The following SYNPR variants were observed in gnomAD, a reference collection of about 807,000 sequenced individuals.
SYNPR encodes synaptoporin.
A neutral mutation model predicts 32.9 loss-of-function variants in SYNPR; 23 were observed. The observed-to-expected ratio is 0.70, with a 90% CI of 0.50 to 0.99. SYNPR has a LOEUF of 0.99. Ranked by LOEUF, SYNPR falls within the 50% of genes least tolerant of loss-of-function variation. The pLI, the probability that SYNPR is intolerant of heterozygous loss-of-function variation, is 0.00. For synonymous variants in SYNPR, 146 were observed against 135.9 expected, an observed-to-expected ratio of 1.07 and a Z score of -0.52; for missense variants, 318 against 349.3, an observed-to-expected ratio of 0.91 and a Z score of 0.71.
intron 2 of SYNPR, among the ~76,000 whole-genome samples, chr3:63,395,156 C>T (rs1443776154): frequency 3.9e-5 from 6 of 152,110 alleles, no homozygotes; most frequent in Non-Finnish European, 8.8e-5. Context: ...TTTCTGGCTC[C>T]AGTTTCCATG....
intron 4 of SYNPR, among the ~76,000 whole-genome samples, chr3:63,571,212 C>T (rs1038289448): frequency 6.6e-6 from 1 of 152,134 alleles, no homozygotes; most frequent in Admixed American, 6.6e-5. Context: ...ATCTACCTAA[C>T]CATGGGATCT....
intron 4 of SYNPR, among the ~76,000 whole-genome samples, chr3:63,587,308 C>T (rs560414432): frequency 2.4e-4 from 36 of 152,202 alleles, no homozygotes; most frequent in Middle Eastern, 3.4e-3. Flanking sequence ...ATCCTCACAA[C>T]GACCCTGTAA....
chr3:63,418,634 A>G (rs1031806247), intron 2 of SYNPR, among the ~76,000 whole-genome samples: 2 of 152,230 alleles, frequency 1.3e-5, no homozygotes, highest in Admixed American at 1.3e-4. Flanking sequence ...ACTATGGTGG[A>G]AAACAAAGAG....
intron 4 of SYNPR, among the ~76,000 whole-genome samples, chr3:63,606,284 G>A (rs1700117867): frequency 6.6e-6 from 1 of 151,994 alleles, no homozygotes; most frequent in Non-Finnish European, 1.5e-5. Context: ...AGGGATAAAA[G>A]GTTGAACCAG....
At chr3:63,233,229 C>T (rs1280643863) in intron 1 of SYNPR, among the ~76,000 whole-genome samples, 1 of 152,180 alleles carries the variant, frequency 6.6e-6, no homozygotes, top group African/African-American at 2.4e-5. Context: ...CCAGCAGATT[C>T]TTAAGCCGAA....
chr3:63,309,134 C>G (rs2086936668), intron 2 of SYNPR, among the ~76,000 whole-genome samples: 1 of 152,130 alleles, frequency 6.6e-6, no homozygotes, highest in East Asian at 1.9e-4. Context: ...GTTATTAATT[C>G]TACCAAATCT....
intron 2 of SYNPR, among the ~76,000 whole-genome samples, chr3:63,408,248 A>G (rs1475498422): frequency 8.3e-6 from 1 of 120,262 alleles, no homozygotes; most frequent in African/African-American, 3.7e-5. Flanking sequence ...AAAGAAAGAA[A>G]GAAAGAAAGA....
chr3:63,580,653 A>G (rs1202846256), intron 4 of SYNPR, among the ~76,000 whole-genome samples: 2 of 152,078 alleles, frequency 1.3e-5, no homozygotes, highest in South Asian at 2.1e-4. Flanking sequence ...TATTTTTCCA[A>G]TTGTGGTCAA....
intron 1 of SYNPR, among the ~76,000 whole-genome samples, chr3:63,235,086 T>C (rs1242904553): frequency 6.6e-6 from 1 of 152,204 alleles, no homozygotes; most frequent in East Asian, 1.9e-4. Flanking sequence ...TACTCATCTG[T>C]GTGTGTATGT....
chr3:63,476,139 AAGGAAGGAAGGGAGGG>A (rs1700902326), intron 2 of SYNPR, among the ~76,000 whole-genome samples: 9 of 32,510 alleles, frequency 2.8e-4, no homozygotes, highest in South Asian at 3.6e-3. Context: ...GGAAGGAAGG[AAGGAAGGAAGGGAGGG>A]AGGGAGGGAG....
rs892045746 is a variant in SYNPR at position 63,538,050 on chromosome 3, A to G, written c.210-18493A>G. On this transcript the variant is annotated intron_variant, in intron 3 of 5. Transcript: ENST00000478300. ...CCCAGATTACTGTCTTTCCAAAACA[A>G]TATTTCCTTGCCCTACCACTTAAGC... Among the ~76,000 whole-genome samples, 421 of 144,362 alleles carry G rather than the reference A, an allele frequency of 2.9e-3. 11 individuals carry two copies. The highest frequency in any genetic ancestry group is 3.5e-3 in the East Asian group (16 of 4,584). 94.7% of individuals were successfully genotyped at this position (144,362 alleles called of 152,430 possible).
At chr3:63,574,437 C>G (rs1471038959) in intron 4 of SYNPR, among the ~76,000 whole-genome samples, 1 of 151,956 alleles carries the variant, frequency 6.6e-6, no homozygotes, top group African/African-American at 2.4e-5. Context: ...CCCATGATGC[C>G]TTGTGTCTAG....
At chr3:63,229,425 A>G (rs1172422741) in intron 1 of SYNPR, among the ~76,000 whole-genome samples, 1 of 152,192 alleles carries the variant, frequency 6.6e-6, no homozygotes. Context: ...CTAGGTCAGG[A>G]AAACAGATCA....
At chr3:63,528,444 C>A (rs7639778) in intron 3 of SYNPR, among the ~76,000 whole-genome samples, 19 of 151,852 alleles carry the variant, frequency 1.3e-4, no homozygotes, top group Non-Finnish European at 2.4e-4. Flanking sequence ...AGAGACTAGA[C>A]TTAAACTAGC....
chr3:63,583,361 G>A (rs1703125317), intron 4 of SYNPR, among the ~76,000 whole-genome samples: 1 of 152,162 alleles, frequency 6.6e-6, no homozygotes, highest in South Asian at 2.1e-4. Context: ...GCTGAGCTTT[G>A]GCTAAGAGGC....
chr3:63,540,923 C>G (rs1194092240), intron 3 of SYNPR, among the ~76,000 whole-genome samples: 1 of 104,166 alleles, frequency 9.6e-6, no homozygotes, highest in Non-Finnish European at 2.0e-5. Flanking sequence ...CACACAATCC[C>G]CCCCCCAACA....
chr3:63,219,550 A>G, the SYNPR span, among the ~76,000 whole-genome samples: 1 of 152,096 alleles, frequency 6.6e-6, no homozygotes, highest in Non-Finnish European at 1.5e-5. Flanking sequence ...ATAGCTTTTG[A>G]CTCCCCCAAA....
intron 2 of SYNPR, among the ~76,000 whole-genome samples, chr3:63,361,663 A>G (rs2087663745): frequency 6.6e-6 from 1 of 151,536 alleles, no homozygotes; most frequent in African/African-American, 2.4e-5. Flanking sequence ...AGTTTATATT[A>G]CCTCCTCATA....
intron 2 of SYNPR, chr3:63,423,850 T>C (rs1699844329): frequency 6.6e-6 from 1 of 152,250 alleles, no homozygotes; most frequent in Non-Finnish European, 1.5e-5. Context: ...AAAGTTTCAC[T>C]TTATTTTGTT....
Sources: gnomAD v4.1 joint callset for allele counts (sites outside exome capture counted in the v4.1 genomes callset) on GRCh38, gnomAD v4.1.1 for gene constraint, MANE v1.5 for transcripts, NCBI Gene and HGNC (gene_info 2026-07-23, HGNC 2026-07-21) for gene names.